CPNE4: variants seen among roughly 807,000 people sequenced by gnomAD.
The protein encoded by CPNE4 is copine-4.
A neutral mutation model predicts 67.9 loss-of-function variants in CPNE4; 25 were observed. The ratio of observed to expected loss-of-function variants is 0.37; its 90% CI spans 0.27 to 0.51. The LOEUF is 0.51. Among genes scored for constraint, CPNE4 ranks in the 20% least tolerant of loss-of-function variants. The pLI is 0.93. For synonymous variants in CPNE4, 242 were observed against 244.9 expected, an observed-to-expected ratio of 0.99 and a Z score of 0.11; for missense variants, 464 against 690.8, an observed-to-expected ratio of 0.67 and a Z score of 3.68.
In CPNE4 at chr3:131,630,918, C is replaced by T. The variant is rs548941011; in HGVS notation, c.681+38757G>A. ...ATCAGGCTGCTGATTAGGACAACAT[C>T]AGGGTACCCTGAAGTTCTAAATCAT... is the stretch of plus-strand genomic sequence containing the variant. On this transcript the variant is annotated intron_variant, in intron 7 of 15. Transcript: ENST00000429747. 4.6e-5 allele frequency among the ~76,000 whole-genome samples: 7 copies of T among 152,318 alleles called. No individual in the cohort carries two copies. In the East Asian group the frequency reaches 1.2e-3, roughly 25 times the overall value.
chr3:131,745,355 G>A (rs1327103185), intron 2 of CPNE4, among the ~76,000 whole-genome samples: 1 of 152,000 alleles, frequency 6.6e-6, no homozygotes, highest in African/African-American at 2.4e-5. Flanking sequence ...AATATATTCT[G>A]ATAGGCTGTA....
At position 131,989,786 on chromosome 3, in the gene CPNE4, C is replaced by G. The variant is rs1267871847; in HGVS notation, c.-2+44781G>C. Among the ~76,000 whole-genome samples, 2 of 136,052 alleles carry G rather than the reference C, an allele frequency of 1.5e-5. 1 individual carries two copies. Among genetic ancestry groups the G allele is most frequent in the East Asian group, 4.7e-4 (2 of 4,260 alleles). 89.3% of individuals were successfully genotyped at this position (136,052 alleles called of 152,430 possible). ...CAAGATAACACCATGTCAAAAATATCAAAAAGCAAAATTGCTTTCAGATTT... is the reference window on the plus strand; with the variant it reads ...CAAGATAACACCATGTCAAAAATATGAAAAAGCAAAATTGCTTTCAGATTT... On this transcript the variant is annotated intron_variant, in intron 1 of 15. Coordinates refer to ENST00000429747, the MANE Select transcript of CPNE4 (RefSeq NM_130808.3).
rs1225948970 is a variant in CPNE4, at chr3:132,034,812, G to T, written c.-247C>A. The T allele has an allele frequency of 4.1e-6, 4 of 985,516 alleles. No individual in the cohort carries two copies. The highest frequency in any genetic ancestry group is 2.3e-4 in the East Asian group (2 of 8,820). The allele number at this position is 985,516 out of a possible 1,614,324, so 61.0% of individuals were successfully genotyped here. On this transcript the variant is annotated 5_prime_UTR_variant, in exon 1 of 16. Coordinates refer to ENST00000429747, the MANE Select transcript of CPNE4 (RefSeq NM_130808.3). ...AACCCTGACTCCATTCTCGGTGATGGGGGTGGGGGAAGAGGGTGAAAATGT... is the reference window on the plus strand; with the variant it reads ...AACCCTGACTCCATTCTCGGTGATGTGGGTGGGGGAAGAGGGTGAAAATGT...
chr3:132,025,888 T>C (rs923903620), intron 1 of CPNE4, among the ~76,000 whole-genome samples: 2 of 152,168 alleles, frequency 1.3e-5, no homozygotes, highest in African/African-American at 4.8e-5. Flanking sequence ...GTCTTGCAAA[T>C]ATAGTGGAGC....
rs760823329 is a variant in CPNE4 at position 131,905,434 on chromosome 3, T to C, written c.10A>G (p.Met4Val). The C allele has an allele frequency of 1.9e-6, 3 of 1,612,356 alleles. No individual in the cohort carries two copies. The highest frequency in any genetic ancestry group is 1.7e-5 in the Admixed American group (1 of 59,760). The change falls in exon 2 of 16, where the codon ATG becomes GTG. Residue 4 changes from methionine to valine, a missense_variant. Physicochemically the swap from Met to Val is conservative, Grantham distance 21. This residue lies in a region of CPNE4 where 170 missense variants were observed against 203.3 expected (regional missense o/e 0.84). Transcript: ENST00000429747. Reference sequence around the variant, plus strand: ...GCAGCGGACTCATAAATGTTGCTCATCTTCTTCATTCTGTTTTAGGCAAGT... The same window carrying C: ...GCAGCGGACTCATAAATGTTGCTCACCTTCTTCATTCTGTTTTAGGCAAGT... MKK[M>V]SNIYESAANT...
At chr3:131,792,678 TACACACGTGTATATATACATATAC>T (rs1560322433) in intron 2 of CPNE4, among the ~76,000 whole-genome samples, 3,114 of 60,390 alleles carry the variant, frequency 0.052, 142 homozygotes, top group East Asian at 0.099. Context: ...TATACATATA[TACACACGTGTATATATACATATAC>T]ACACACGTGT....
chr3:131,864,250 T>C (rs1203277024), intron 2 of CPNE4, among the ~76,000 whole-genome samples: 1 of 151,530 alleles, frequency 6.6e-6, no homozygotes, highest in Non-Finnish European at 1.5e-5. Context: ...AAGAAAGTCA[T>C]TGGTAGCTTG....
intron 3 of CPNE4, among the ~76,000 whole-genome samples, chr3:131,710,134 A>G (rs2081522740): frequency 6.6e-6 from 1 of 152,236 alleles, no homozygotes; most frequent in Non-Finnish European, 1.5e-5. Context: ...ATTTATTTGA[A>G]TAAGTGAGTA....
intron 12 of CPNE4, among the ~76,000 whole-genome samples, chr3:131,553,767 A>G (rs934675133): frequency 6.6e-6 from 1 of 152,112 alleles, no homozygotes; most frequent in African/African-American, 2.4e-5. Flanking sequence ...TTCAGTTTCA[A>G]TGCATACTTT....
intron 2 of CPNE4, among the ~76,000 whole-genome samples, chr3:131,858,095 T>G (rs2086522875): frequency 6.6e-6 from 1 of 152,162 alleles, no homozygotes; most frequent in Non-Finnish European, 1.5e-5. Flanking sequence ...CAAGTTAATT[T>G]ACACAATTAT....
intron 2 of CPNE4, among the ~76,000 whole-genome samples, chr3:131,842,730 TAAAAAAA>T (rs3041527): frequency 1.6e-5 from 2 of 121,840 alleles, no homozygotes; most frequent in Non-Finnish European, 3.3e-5. Context: ...TATTCTGTTG[TAAAAAAA>T]AAAAAAAAAA....
chr3:131,821,014 C>T (rs564594573), intron 2 of CPNE4, among the ~76,000 whole-genome samples: 6 of 152,240 alleles, frequency 3.9e-5, no homozygotes, highest in Admixed American at 3.3e-4. Flanking sequence ...ACATATCTTG[C>T]CAACTCACTT....
At chr3:131,812,669 G>T (rs151057406) in intron 2 of CPNE4, among the ~76,000 whole-genome samples, 40 of 152,302 alleles carry the variant, frequency 2.6e-4, no homozygotes, top group African/African-American at 9.6e-4. Context: ...CATTTACTGT[G>T]TTCCAAGCAC....
rs761065271 is a variant in CPNE4, at chr3:131,552,489, G to C, written c.1119C>G (p.Val373=). Residue 373 remains valine, a splice_region_variant and synonymous_variant, in exon 13 of 16, where the codon GTC becomes GTG. Transcript: ENST00000429747. The part of the protein sequence containing the change: ...FGARIPPEYT[V]SHDFAINFNE... ...TAAAGTTGATTGCAAAGTCATGAGA[G>C]ACCTAGACACCGATTAAAATTTAAA... The C allele has an allele frequency of 1.9e-6, 3 of 1,611,746 alleles. No individual in the cohort carries two copies. The highest frequency in any genetic ancestry group is 2.5e-6 in the Non-Finnish European group (3 of 1,178,352).
At chr3:131,679,145 T>C (rs2080664895) in intron 6 of CPNE4, among the ~76,000 whole-genome samples, 1 of 152,172 alleles carries the variant, frequency 6.6e-6, no homozygotes, top group South Asian at 2.1e-4. Flanking sequence ...TTCTTCCTAG[T>C]TCTGTCTTGA....
intron 3 of CPNE4, among the ~76,000 whole-genome samples, chr3:131,722,815 A>G (rs1163686000): frequency 6.6e-6 from 1 of 152,228 alleles, no homozygotes; most frequent in Non-Finnish European, 1.5e-5. Context: ...AAAATGATGA[A>G]GTTTAGAGTC....
chr3:131,979,400 A>G (rs1205958856), intron 1 of CPNE4, among the ~76,000 whole-genome samples: 2 of 152,038 alleles, frequency 1.3e-5, no homozygotes, highest in East Asian at 3.9e-4. Context: ...GGATTGTGAT[A>G]TTTTCCTGTT....
chr3:131,728,579 T>C (rs577248946), intron 2 of CPNE4, among the ~76,000 whole-genome samples: 7 of 152,180 alleles, frequency 4.6e-5, no homozygotes, highest in East Asian at 3.9e-4. Flanking sequence ...CTGGACATAT[T>C]TGAGATACAG....
chr3:131,761,303 A>T (rs779123346), intron 2 of CPNE4, among the ~76,000 whole-genome samples: 2 of 149,524 alleles, frequency 1.3e-5, no homozygotes, highest in African/African-American at 2.5e-5. Flanking sequence ...GTAGCCTAGA[A>T]TTCCTGAGCT....
Sources: allele counts gnomAD v4.1 joint callset (sites outside exome capture counted in the v4.1 genomes callset), GRCh38; gene constraint gnomAD v4.1.1; regional missense constraint gnomAD v4.1.1; transcripts MANE v1.5; gene names NCBI Gene and HGNC (gene_info 2026-07-23, HGNC 2026-07-21).